The following CPXM2 variants were observed in gnomAD, a reference collection of about 807,000 sequenced individuals.
CPXM2 encodes the protein carboxypeptidase X, M14 family member 2.
CPXM2 carries 66 observed loss-of-function variants against 86.1 expected under a neutral mutation model. The ratio of observed to expected loss-of-function variants is 0.77; its 90% CI spans 0.63 to 0.94. CPXM2 has a LOEUF of 0.94. CPXM2 is among the 40% of genes least tolerant of loss of function. The pLI is 0.00. For synonymous variants in CPXM2, 388 were observed against 400.2 expected (o/e 0.97, Z 0.36); for missense variants, 948 against 1,026.3 (o/e 0.92, Z 1.04).
chr10:123,905,798 C>T (rs1315830618), intron 2 of CPXM2, among the ~76,000 whole-genome samples: 2 of 152,162 alleles, frequency 1.3e-5, no homozygotes, highest in Non-Finnish European at 2.9e-5. Flanking sequence ...CCACCCCACC[C>T]TCACCCAGTC....
chr10:123,852,415 C>T lies in CPXM2; in HGVS notation c.514-9927G>A, dbSNP rs1381876226. On this transcript the variant is annotated intron_variant, in intron 3 of 13. Transcript: ENST00000241305. ...ACCTAAATCCAACCACTTCCAACCC[C>T]CCTCCATCACGCCTATCTTGGCTCA... 3.3e-5 allele frequency among the ~76,000 whole-genome samples: 5 copies of T among 152,188 alleles called. No individual in the cohort carries two copies. In the East Asian group the frequency reaches 7.7e-4, roughly 23 times the overall value.
chr10:123,868,789 G>A (rs899195763), intron 2 of CPXM2, among the ~76,000 whole-genome samples: 5 of 151,978 alleles, frequency 3.3e-5, no homozygotes, highest in African/African-American at 7.3e-5. Flanking sequence ...ACACGTGACC[G>A]GCAGGTGCAG....
chr10:123,752,647 A>G, intron 13 of CPXM2: 3 of 984,108 alleles, frequency 3.0e-6, no homozygotes, highest in Non-Finnish European at 3.6e-6. Context: ...AACAGTTTGC[A>G]GAGAAGGAGC....
intron 2 of CPXM2, among the ~76,000 whole-genome samples, chr10:123,898,505 A>G (rs1878621): frequency 0.72 from 109,746 of 151,998 alleles, 40,268 homozygotes; most frequent in African/African-American, 0.84. Context: ...AGGAGTGATG[A>G]TGTGCACCTG....
rs1945263628 is a variant in CPXM2 at position 123,891,271 on chromosome 10, C to T, written c.304+85G>A. On this transcript the variant is annotated intron_variant, in intron 1 of 13. Transcript: ENST00000241305. The surrounding 1 kb of genome is among the most constrained non-coding windows in gnomAD (Gnocchi z 5.6). Reference sequence around the variant, plus strand: ...TCCCGGGACTGGCCCATCCCAGACACACACAATGGGAGAAGCCAGTTGTCC... The same window carrying T: ...TCCCGGGACTGGCCCATCCCAGACATACACAATGGGAGAAGCCAGTTGTCC... 2 of 1,163,420 alleles carry T rather than the reference C, an allele frequency of 1.7e-6. No individual in the cohort carries two copies. The highest frequency in any genetic ancestry group is 1.6e-5 in the South Asian group (1 of 60,640). The allele number at this position is 1,163,420 out of a possible 1,614,324, so 72.1% of individuals were successfully genotyped here. A position where few individuals can be genotyped will look rare whatever the true frequency, so the allele number is the denominator to read the frequency against.
intron 2 of CPXM2, among the ~76,000 whole-genome samples, chr10:123,870,380 C>T (rs1377688035): frequency 6.6e-6 from 1 of 152,210 alleles, no homozygotes; most frequent in Non-Finnish European, 1.5e-5. Flanking sequence ...GCCCTGTAGC[C>T]TACTGTGATC....
chr10:123,856,780 C>T (rs889338411), intron 3 of CPXM2, among the ~76,000 whole-genome samples: 9 of 152,058 alleles, frequency 5.9e-5, no homozygotes, highest in South Asian at 2.1e-4. Flanking sequence ...TTAGTAGAGA[C>T]GGGATTTTGC....
intron 13 of CPXM2, chr10:123,752,536 T>A: frequency 4.1e-6 from 4 of 985,452 alleles, no homozygotes; most frequent in Non-Finnish European, 4.8e-6. Flanking sequence ...GAAGGATACA[T>A]GGGCCAGGTC....
chr10:123,856,558 G>A (rs1180750131), intron 3 of CPXM2, among the ~76,000 whole-genome samples: 1 of 152,046 alleles, frequency 6.6e-6, no homozygotes, highest in Non-Finnish European at 1.5e-5. Context: ...ACAGGCAAAG[G>A]ATCCAAGCAT....
At chr10:123,828,214 A>T (rs7902258) in intron 4 of CPXM2, among the ~76,000 whole-genome samples, 62,230 of 151,958 alleles carry the variant, frequency 0.41, 14,799 homozygotes, top group African/African-American at 0.67. Flanking sequence ...GAGAAATAAA[A>T]CCATACAAAT....
At chr10:123,937,837 C>A (rs1945737139) in intron 2 of CPXM2, among the ~76,000 whole-genome samples, 2 of 152,056 alleles carry the variant, frequency 1.3e-5, no homozygotes, top group African/African-American at 2.4e-5. Flanking sequence ...AAGGTTCAAC[C>A]CCAACCCAAG....
chr10:123,796,836 C>T (rs1847345075), intron 6 of CPXM2, among the ~76,000 whole-genome samples: 2 of 152,180 alleles, frequency 1.3e-5, no homozygotes, highest in South Asian at 2.1e-4. Context: ...GGATGAGTGA[C>T]GACTGTGCCC....
chr10:123,775,381 C>A lies in CPXM2; in HGVS notation c.979-4342G>T, dbSNP rs567759425. 4.6e-5 allele frequency among the ~76,000 whole-genome samples: 7 copies of A among 152,332 alleles called. No homozygotes were observed. The East Asian group carries it at 1.4e-3, about 29-fold the overall frequency. Reference sequence around the variant, plus strand: ...AGTAACTATCTCTACGGACATAAAGCCTGGTGGCTCATCACGAACTAGGCA... The same window carrying A: ...AGTAACTATCTCTACGGACATAAAGACTGGTGGCTCATCACGAACTAGGCA... On this transcript the variant is annotated intron_variant, in intron 7 of 13. Coordinates refer to ENST00000241305, the MANE Select transcript of CPXM2 (RefSeq NM_198148.3).
At chr10:123,905,564 G>T (rs869809) in intron 2 of CPXM2, among the ~76,000 whole-genome samples, 71,964 of 151,962 alleles carry the variant, frequency 0.47, 18,957 homozygotes, top group African/African-American at 0.7. Context: ...GGATGCCAAT[G>T]ACCGAGGGAT....
upstream of CPXM2, among the ~76,000 whole-genome samples, chr10:123,943,026 C>T (rs1424068673): frequency 1.3e-5 from 2 of 152,332 alleles, no homozygotes; most frequent in South Asian, 2.1e-4. Context: ...TAGGAGCAAT[C>T]GACTCTACCA....
In CPXM2 at chr10:123,799,612, G is replaced by A. The variant is rs535156681; in HGVS notation, c.654-413C>T. Reference sequence around the variant, plus strand: ...ATAATCTGGGTAAAGGTTGCAAACCGGTTTAAACATTTTGGTTAGGAAGCT... The same window carrying A: ...ATAATCTGGGTAAAGGTTGCAAACCAGTTTAAACATTTTGGTTAGGAAGCT... On this transcript the variant is annotated intron_variant, in intron 4 of 13. Coordinates refer to ENST00000241305, the MANE Select transcript of CPXM2 (RefSeq NM_198148.3). Among the ~76,000 whole-genome samples, 69 of 152,262 alleles carry A rather than the reference G, an allele frequency of 4.5e-4. 1 individual carries two copies. In the South Asian group the frequency reaches 5.8e-3, roughly 13 times the overall value.
At chr10:123,749,596 T>C (rs1366025972) in intron 13 of CPXM2, among the ~76,000 whole-genome samples, 1 of 152,216 alleles carries the variant, frequency 6.6e-6, no homozygotes, top group East Asian at 1.9e-4. Flanking sequence ...TCCCAGTTCC[T>C]GCCCTCCCCT....
chr10:123,853,443 C>T (rs61861887), intron 3 of CPXM2, among the ~76,000 whole-genome samples: 4,252 of 152,270 alleles, frequency 0.028, 77 homozygotes, highest in South Asian at 0.087. Flanking sequence ...ACCTAGAACA[C>T]GACCCAGCAC....
intron 1 of CPXM2, among the ~76,000 whole-genome samples, chr10:123,880,828 CAAAA>C (rs71484548): frequency 2.2e-4 from 12 of 54,000 alleles, no homozygotes; most frequent in East Asian, 7.2e-4. Flanking sequence ...GATTCCGTCT[CAAAA>C]AAAAAAAAAA....
Sources: gnomAD v4.1 joint callset for allele counts (sites outside exome capture counted in the v4.1 genomes callset) on GRCh38, gnomAD v4.1.1 for gene constraint, Gnocchi (gnomAD v3.1) non-coding constraint, MANE v1.5 for transcripts, NCBI Gene and HGNC (gene_info 2026-07-23, HGNC 2026-07-21) for gene names.